The following FAAH2 variants were observed in gnomAD, a reference collection of about 807,000 sequenced individuals.
FAAH2 encodes the protein fatty-acid amide hydrolase 2.
Under a neutral mutation model 36.9 loss-of-function variants are expected in FAAH2, and 60 were observed. The ratio of observed to expected loss-of-function variants is 1.63; its 90% CI spans 1.32 to 2.02. FAAH2 has a LOEUF of 2.02. FAAH2 is among the 30% of genes most tolerant of loss of function. The pLI is 0.00. For synonymous variants in FAAH2, 214 were observed against 143.8 expected, an observed-to-expected ratio of 1.49 and a Z score of -3.49; for missense variants, 689 against 397.5, an observed-to-expected ratio of 1.73 and a Z score of -6.23.
the FAAH2 span, among the ~76,000 whole-genome samples, chrX:57,210,090 C>G: frequency 2.7e-5 from 3 of 110,966 alleles, no homozygotes; most frequent in South Asian, 7.9e-4. Flanking sequence ...TTCCTCACCT[C>G]TTCAGTGCTT....
intron 10 of FAAH2, among the ~76,000 whole-genome samples, chrX:57,478,764 C>T (rs1472333598): frequency 2.7e-5 from 3 of 111,678 alleles, no homozygotes; most frequent in Non-Finnish European, 3.8e-5. Flanking sequence ...ATATTTCTTG[C>T]TTTTCTCAGG....
At chrX:57,178,262 A>G in the FAAH2 span, among the ~76,000 whole-genome samples, 3 of 112,107 alleles carry the variant, frequency 2.7e-5, no homozygotes, top group Admixed American at 2.8e-4. Flanking sequence ...CAGACTCAAG[A>G]TCTCTTGCTT....
At chrX:57,156,030 G>C in the FAAH2 span, among the ~76,000 whole-genome samples, 1 of 111,972 alleles carries the variant, frequency 8.9e-6, no homozygotes, top group African/African-American at 3.2e-5. Flanking sequence ...TATTTGAGCT[G>C]TCTCCTGGGT....
At chrX:57,296,718 T>C (rs2052173992) in intron 2 of FAAH2, among the ~76,000 whole-genome samples, 1 of 111,106 alleles carries the variant, frequency 9.0e-6, no homozygotes, top group South Asian at 3.8e-4. Context: ...AAAGATTAGA[T>C]GAATGGCTAA....
At chrX:57,151,552 C>T in the FAAH2 span, among the ~76,000 whole-genome samples, 468 of 111,985 alleles carry the variant, frequency 4.2e-3, 2 homozygotes, top group African/African-American at 0.015. Flanking sequence ...GTGATCGCAT[C>T]GGCTCCTGAG....
chrX:57,174,542 T>A, the FAAH2 span, among the ~76,000 whole-genome samples: 2 of 112,034 alleles, frequency 1.8e-5, no homozygotes, highest in Non-Finnish European at 3.8e-5. Context: ...AAGAACAATC[T>A]TCTTATTTTA....
At chrX:57,216,098 T>C in the FAAH2 span, among the ~76,000 whole-genome samples, 1 of 108,713 alleles carries the variant, frequency 9.2e-6, no homozygotes, top group Admixed American at 9.9e-5. Flanking sequence ...TTCTGAGCCA[T>C]TTTAAAATAA....
At chrX:57,385,844 C>A (rs1244800066) in intron 7 of FAAH2, among the ~76,000 whole-genome samples, 1 of 107,931 alleles carries the variant, frequency 9.3e-6, no homozygotes, top group African/African-American at 3.4e-5. Flanking sequence ...GGAGGCGGAG[C>A]TTGCAGTGAG....
At chrX:57,220,510 C>T in the FAAH2 span, among the ~76,000 whole-genome samples, 1 of 111,653 alleles carries the variant, frequency 9.0e-6, no homozygotes, top group African/African-American at 3.3e-5. Context: ...GCTCAAGCTC[C>T]AGAAGCTTGA....
intron 5 of FAAH2, among the ~76,000 whole-genome samples, chrX:57,356,365 T>C (rs1185528766): frequency 1.8e-5 from 2 of 111,085 alleles, no homozygotes; most frequent in African/African-American, 6.5e-5. Flanking sequence ...AGAATTCTTC[T>C]GTGAAGGTAT....
At chrX:57,156,815 A>C in the FAAH2 span, among the ~76,000 whole-genome samples, 5 of 111,754 alleles carry the variant, frequency 4.5e-5, no homozygotes, top group Non-Finnish European at 7.5e-5. Flanking sequence ...TGACCACTGC[A>C]CCTGTCACCG....
At chrX:57,405,381 C>T (rs187575929) in intron 7 of FAAH2, among the ~76,000 whole-genome samples, 1 of 110,842 alleles carries the variant, frequency 9.0e-6, no homozygotes, top group African/African-American at 3.3e-5. Flanking sequence ...GGAAGAGAAC[C>T]ATGGAACCCA....
intron 10 of FAAH2, among the ~76,000 whole-genome samples, chrX:57,466,836 A>G (rs758480630): frequency 9.0e-6 from 1 of 111,642 alleles, no homozygotes; most frequent in South Asian, 3.8e-4. Context: ...AAGGGTGTGA[A>G]ATAAATACAT....
intron 7 of FAAH2, among the ~76,000 whole-genome samples, chrX:57,407,169 T>C (rs1036516429): frequency 3.6e-5 from 4 of 112,170 alleles, no homozygotes; most frequent in African/African-American, 1.3e-4. Flanking sequence ...GATCCTCTTA[T>C]TTGTCGAAGT....
At chrX:57,241,991 G>T in the FAAH2 span, among the ~76,000 whole-genome samples, 4 of 111,937 alleles carry the variant, frequency 3.6e-5, no homozygotes, top group Non-Finnish European at 7.5e-5. Context: ...ACACCTGGGG[G>T]AAGGGGAGGC....
At chrX:57,317,604 C>G (rs1314334138) in intron 3 of FAAH2, among the ~76,000 whole-genome samples, 2 of 111,491 alleles carry the variant, frequency 1.8e-5, no homozygotes, top group Admixed American at 9.6e-5. Flanking sequence ...TTAGACAGAT[C>G]AACAAGACAG....
chrX:57,222,585 C>A, the FAAH2 span, among the ~76,000 whole-genome samples: 5 of 111,331 alleles, frequency 4.5e-5, no homozygotes, highest in Admixed American at 1.9e-4. Flanking sequence ...GTTTATTCAA[C>A]CCATAACATC....
At chrX:57,203,723 C>A in the FAAH2 span, among the ~76,000 whole-genome samples, 11 of 112,340 alleles carry the variant, frequency 9.8e-5, no homozygotes, top group East Asian at 2.8e-3. Context: ...GCTAATCCAT[C>A]TGCAGCTCCT....
At chrX:57,342,619 T>C (rs901782362) in intron 5 of FAAH2, among the ~76,000 whole-genome samples, 1 of 111,552 alleles carries the variant, frequency 9.0e-6, no homozygotes, top group Non-Finnish European at 1.9e-5. Flanking sequence ...CTATTTTTTT[T>C]CCCTTCCATA....
Sources: gnomAD v4.1 joint callset for allele counts (sites outside exome capture counted in the v4.1 genomes callset) on GRCh38, gnomAD v4.1.1 for gene constraint, MANE v1.5 for transcripts, NCBI Gene and HGNC (gene_info 2026-07-23, HGNC 2026-07-21) for gene names.